MYRIP: variants seen among roughly 807,000 people sequenced by gnomAD.
MYRIP encodes rab effector MyRIP.
Under a neutral mutation model 98.0 loss-of-function variants are expected in MYRIP, and 49 were observed. The observed-to-expected ratio is 0.50, with a 90% confidence interval of 0.40 to 0.63. MYRIP has a LOEUF of 0.63. MYRIP is among the 30% of genes least tolerant of loss of function. The probability of loss-of-function intolerance (pLI) is 0.00; values close to 1 mark genes in which losing one functional copy is unlikely to be tolerated. For synonymous variants in MYRIP, 404 were observed against 409.5 expected (o/e 0.99, Z 0.16); for missense variants, 1,004 against 1,058.2 (o/e 0.95, Z 0.71).
At chr3:40,068,301 T>A (rs1948161787) in intron 3 of MYRIP, among the ~76,000 whole-genome samples, 1 of 152,228 alleles carries the variant, frequency 6.6e-6, no homozygotes, top group Admixed American at 6.5e-5. Context: ...CAATGTCAAG[T>A]TCTCTCATTT....
In MYRIP at chr3:39,835,003, C is replaced by T. The variant is rs564993470; in HGVS notation, c.-31+25087C>T. On this transcript the variant is annotated intron_variant, in intron 1 of 16. Coordinates refer to ENST00000302541, the MANE Select transcript of MYRIP (RefSeq NM_015460.4). ...CAGAATTTAGTATGTACAGACAATT[C>T]GTAGAGGGGACAGTGGGTGAATTTA... 7.2e-4 allele frequency among the ~76,000 whole-genome samples: 110 copies of T among 152,124 alleles called. 1 individual carries two copies. The highest frequency in any genetic ancestry group is 2.5e-3 in the African/African-American group (105 of 41,514).
chr3:40,156,785 C>T (rs1211852244), intron 4 of MYRIP, among the ~76,000 whole-genome samples: 1 of 151,946 alleles, frequency 6.6e-6, no homozygotes, highest in African/African-American at 2.4e-5. Flanking sequence ...GATGATTTGG[C>T]TCTCTGTTTG....
intron 2 of MYRIP, among the ~76,000 whole-genome samples, chr3:39,994,524 T>C (rs1042979094): frequency 6.6e-6 from 1 of 152,092 alleles, no homozygotes; most frequent in Non-Finnish European, 1.5e-5. Context: ...CTTGAGTAGG[T>C]AAACAAAGTG....
chr3:40,237,103 G>C (rs1559470229), intron 12 of MYRIP, among the ~76,000 whole-genome samples: 2 of 152,194 alleles, frequency 1.3e-5, no homozygotes, highest in Admixed American at 1.3e-4. Flanking sequence ...GATTGCTTGA[G>C]GCCAGGAGTT....
chr3:40,136,200 A>C (rs1559415821), intron 3 of MYRIP, among the ~76,000 whole-genome samples: 1 of 152,234 alleles, frequency 6.6e-6, no homozygotes, highest in Non-Finnish European at 1.5e-5. Context: ...TCTACCAAGC[A>C]AATGGAAAAC....
At chr3:39,935,696 A>G (rs1357472324) in intron 2 of MYRIP, among the ~76,000 whole-genome samples, 1 of 152,206 alleles carries the variant, frequency 6.6e-6, no homozygotes, top group South Asian at 2.1e-4. Context: ...CAGTCAATGC[A>G]GAGATGTTAC....
At chr3:39,960,384 A>G (rs1244863353) in intron 2 of MYRIP, among the ~76,000 whole-genome samples, 4 of 152,152 alleles carry the variant, frequency 2.6e-5, no homozygotes, top group African/African-American at 9.7e-5. Context: ...TATTAACAAA[A>G]CAATTGTTTA....
rs146711131 is a variant in MYRIP, at chr3:40,046,323, G to A, written c.332+2052G>A. On this transcript the variant is annotated intron_variant, in intron 3 of 16. Coordinates refer to ENST00000302541, the MANE Select transcript of MYRIP (RefSeq NM_015460.4). ...TCAAACATCTGCCATGGCTGCATGC[G>A]CTACACTGACGTTTGTTACCAACTG... Among the ~76,000 whole-genome samples the A allele has an allele frequency of 4.6e-3, 706 of 152,040 alleles. 3 individuals are homozygous for A. Among genetic ancestry groups the A allele is most frequent in the African/African-American group, 0.017 (685 of 41,462 alleles).
chr3:40,194,713 A>G lies in MYRIP; in HGVS notation c.1665+4250A>G, dbSNP rs1222689190. Among the ~76,000 whole-genome samples, 4 of 152,220 alleles carry G rather than the reference A, an allele frequency of 2.6e-5. No homozygotes were observed. In the East Asian group the frequency reaches 7.7e-4, roughly 29 times the overall value. On this transcript the variant is annotated intron_variant, in intron 10 of 16. Transcript: ENST00000302541. ...CTTTCCTATCAATAATGTGGTATTT[A>G]TTCCCACTTATTTACTTTCAGTGAA...
At chr3:40,145,028 C>A (rs73827319) in intron 3 of MYRIP, among the ~76,000 whole-genome samples, 1 of 152,140 alleles carries the variant, frequency 6.6e-6, no homozygotes, top group Non-Finnish European at 1.5e-5. Context: ...TGATGCCAGG[C>A]GCCTTATTAT....
intron 2 of MYRIP, among the ~76,000 whole-genome samples, chr3:39,911,777 C>T (rs1944026279): frequency 6.6e-6 from 1 of 152,212 alleles, no homozygotes; most frequent in Non-Finnish European, 1.5e-5. Context: ...CTGTGCTGTG[C>T]TGGTGGCATG....
At chr3:40,067,349 G>A (rs561142705) in intron 3 of MYRIP, among the ~76,000 whole-genome samples, 22 of 152,254 alleles carry the variant, frequency 1.4e-4, no homozygotes, top group African/African-American at 4.3e-4. Flanking sequence ...AAGACTCAGT[G>A]GTTTTCAGGG....
At chr3:40,051,130 G>GA (rs1168824465) in intron 3 of MYRIP, among the ~76,000 whole-genome samples, 1 of 152,138 alleles carries the variant, frequency 6.6e-6, no homozygotes, top group Non-Finnish European at 1.5e-5. Flanking sequence ...CTTCAACTTT[G>GA]AAAAATGTTT....
At chr3:40,144,850 G>A (rs545095372) in intron 3 of MYRIP, among the ~76,000 whole-genome samples, 1 of 152,270 alleles carries the variant, frequency 6.6e-6, no homozygotes, top group Non-Finnish European at 1.5e-5. Context: ...CATGCTAGGT[G>A]CCTCTGAATA....
chr3:40,187,863 G>A (rs928481595), intron 9 of MYRIP, among the ~76,000 whole-genome samples: 1 of 152,200 alleles, frequency 6.6e-6, no homozygotes, highest in Non-Finnish European at 1.5e-5. Context: ...TGTCCTCCAG[G>A]AAAAGGCCAT....
chr3:39,952,760 G>A (rs1293334202), intron 2 of MYRIP, among the ~76,000 whole-genome samples: 2 of 152,064 alleles, frequency 1.3e-5, no homozygotes, highest in Non-Finnish European at 2.9e-5. Context: ...GAATGCCTTT[G>A]TTTTGCCCTC....
intron 3 of MYRIP, among the ~76,000 whole-genome samples, chr3:40,101,769 G>C (rs2125892485): frequency 6.6e-6 from 1 of 151,982 alleles, no homozygotes; most frequent in South Asian, 2.1e-4. Flanking sequence ...AATCATTTTT[G>C]AAGTTTTTTT....
chr3:39,991,337 T>C (rs1030916391), intron 2 of MYRIP, among the ~76,000 whole-genome samples: 1 of 152,188 alleles, frequency 6.6e-6, no homozygotes, highest in Admixed American at 6.5e-5. Flanking sequence ...CTACTCCAAC[T>C]TCTCATTTCC....
intron 13 of MYRIP, among the ~76,000 whole-genome samples, chr3:40,249,228 TAA>T (rs1202177449): frequency 6.6e-6 from 1 of 152,204 alleles, no homozygotes. Context: ...TCTGATTCCC[TAA>T]CAACACTCAG....
Sources: gnomAD v4.1 joint callset for allele counts (sites outside exome capture counted in the v4.1 genomes callset) on GRCh38, gnomAD v4.1.1 for gene constraint, MANE v1.5 for transcripts, NCBI Gene and HGNC (gene_info 2026-07-23, HGNC 2026-07-21) for gene names.